Variants in NFIA observed in about 807,000 individuals in gnomAD.
The protein encoded by NFIA is nuclear factor 1 A-type.
In NFIA, 8 loss-of-function variants were observed where a neutral mutation model predicts 62.8. The observed-to-expected ratio is 0.13, with a 90% confidence interval of 0.07 to 0.23. NFIA has a LOEUF of 0.23. NFIA is among the 10% of genes least tolerant of loss of function. NFIA has a pLI of 1.00. For synonymous variants in NFIA, 235 were observed against 238.1 expected (o/e 0.99, Z 0.12); for missense variants, 410 against 642.1 (o/e 0.64, Z 3.91).
chr1:61,173,537 C>T (rs1316364475), intron 2 of NFIA, among the ~76,000 whole-genome samples: 1 of 152,002 alleles, frequency 6.6e-6, no homozygotes, highest in Non-Finnish European at 1.5e-5. Flanking sequence ...ACAGACATTG[C>T]ACCACTATGC....
At chr1:61,434,994 A>G (rs896019621) in intron 10 of NFIA, among the ~76,000 whole-genome samples, 1 of 152,214 alleles carries the variant, frequency 6.6e-6, no homozygotes, top group Non-Finnish European at 1.5e-5. Context: ...GACAGGAACT[A>G]GATCAAAAGT....
At chr1:61,309,691 G>T (rs533222260) in intron 3 of NFIA, among the ~76,000 whole-genome samples, 2 of 152,134 alleles carry the variant, frequency 1.3e-5, no homozygotes, top group South Asian at 2.1e-4. Context: ...AAGTTTGAGA[G>T]CAGCCTGACC....
At chr1:61,118,701 T>C (rs966993338) in intron 2 of NFIA, among the ~76,000 whole-genome samples, 1 of 72,872 alleles carries the variant, frequency 1.4e-5, no homozygotes, top group Non-Finnish European at 3.2e-5. Flanking sequence ...TGTGTGTGTG[T>C]GTGTGTGTAC....
chr1:61,132,343 A>G (rs1481104564), intron 2 of NFIA, among the ~76,000 whole-genome samples: 1 of 152,188 alleles, frequency 6.6e-6, no homozygotes, highest in African/African-American at 2.4e-5. Flanking sequence ...TTAGATTCTT[A>G]GATTACAGAC....
At chr1:61,115,298 A>G (rs1180261020) in intron 2 of NFIA, among the ~76,000 whole-genome samples, 1 of 152,154 alleles carries the variant, frequency 6.6e-6, no homozygotes, top group Non-Finnish European at 1.5e-5. Context: ...TATATTGATA[A>G]CTTACTGGAA....
chr1:61,118,575 G>T (rs1646832139), intron 2 of NFIA, among the ~76,000 whole-genome samples: 1 of 152,118 alleles, frequency 6.6e-6, no homozygotes, highest in African/African-American at 2.4e-5. Context: ...ACCTGCTTTA[G>T]ATGGGAATGT....
intron 1 of NFIA, among the ~76,000 whole-genome samples, chr1:61,087,487 T>G (rs913245995): frequency 1.3e-5 from 2 of 152,190 alleles, no homozygotes; most frequent in Non-Finnish European, 2.9e-5. Flanking sequence ...TCAATCCTTC[T>G]TTTGTATATG....
At chr1:61,437,600 T>C (rs1667387193) in intron 10 of NFIA, among the ~76,000 whole-genome samples, 1 of 152,194 alleles carries the variant, frequency 6.6e-6, no homozygotes. Context: ...CTGCCGTACA[T>C]AGCTCACAGA....
intron 2 of NFIA, among the ~76,000 whole-genome samples, chr1:61,103,638 A>G (rs1646548597): frequency 6.6e-6 from 1 of 152,190 alleles, no homozygotes; most frequent in Non-Finnish European, 1.5e-5. Flanking sequence ...GCTGGTGACT[A>G]GATGAGAAAT....
chr1:61,171,017 G>GT (rs1649930021), intron 2 of NFIA, among the ~76,000 whole-genome samples: 1 of 152,208 alleles, frequency 6.6e-6, no homozygotes, highest in Admixed American at 6.5e-5. Flanking sequence ...TGTGGCATGT[G>GT]TGTGTGTGTG....
At chr1:61,237,915 CATT>C (rs1295582617) in intron 2 of NFIA, among the ~76,000 whole-genome samples, 2 of 152,084 alleles carry the variant, frequency 1.3e-5, no homozygotes, top group South Asian at 2.1e-4. Flanking sequence ...CATTATTAAT[CATT>C]ATTATTATTG....
Position 61,359,323 on chromosome 1 carries a change from A to G in NFIA, c.946+49A>G, listed in dbSNP as rs1325983068. 7 of 1,610,990 alleles carry G rather than the reference A, an allele frequency of 4.3e-6. No homozygotes were observed. In the Admixed American group the frequency reaches 6.7e-5, roughly 15 times the overall value. On this transcript the variant is annotated intron_variant, in intron 6 of 10. Coordinates refer to ENST00000403491, the MANE Select transcript of NFIA (RefSeq NM_001134673.4). Reference sequence around the variant, plus strand: ...ATGTGGCTAACACTGTGAAACTGAAAATACGTGTGGGGTCCCATGCCACGC... The same window carrying G: ...ATGTGGCTAACACTGTGAAACTGAAGATACGTGTGGGGTCCCATGCCACGC...
At chr1:61,313,336 G>A (rs1278442495) in intron 3 of NFIA, among the ~76,000 whole-genome samples, 3 of 152,220 alleles carry the variant, frequency 2.0e-5, no homozygotes, top group African/African-American at 7.2e-5. Flanking sequence ...CTGGGCTTCT[G>A]GGAAGGCCTC....
intron 7 of NFIA, among the ~76,000 whole-genome samples, chr1:61,400,591 A>C (rs1352219630): frequency 6.6e-6 from 1 of 152,216 alleles, no homozygotes; most frequent in Non-Finnish European, 1.5e-5. Flanking sequence ...ATTTTAAAGG[A>C]TCTAAATATG....
chr1:61,325,959 G>A (rs1570582056), intron 3 of NFIA, among the ~76,000 whole-genome samples: 1 of 139,252 alleles, frequency 7.2e-6, no homozygotes, highest in African/African-American at 2.6e-5. Flanking sequence ...AAAAAAATCT[G>A]CCAAAGAATT....
At chr1:61,446,779 C>T (rs905624715) in intron 10 of NFIA, among the ~76,000 whole-genome samples, 2 of 152,196 alleles carry the variant, frequency 1.3e-5, no homozygotes, top group Non-Finnish European at 2.9e-5. Context: ...TGGACTTTAT[C>T]TTCCTGCACA....
Position 61,088,415 on chromosome 1 carries a change from A to G in NFIA, c.294A>G (p.Lys98=), listed in dbSNP as rs753836427. 2.5e-6 allele frequency: 4 copies of G among 1,614,018 alleles called. No individual in the cohort carries two copies. The East Asian group carries it at 6.7e-5, about 27-fold the overall frequency. The part of the protein sequence containing the change: ...REDFVLTVTG[K]KPPCCVLSNP... ...ATTTTGTTCTTACAGTTACAGGGAA[A>G]AAACCTCCATGTTGTGTTCTTTCCA... Residue 98 remains lysine, a synonymous_variant, in exon 2 of 11, where the codon AAA becomes AAG. Transcript: ENST00000403491. The surrounding 1 kb of genome is among the most constrained non-coding windows in gnomAD (Gnocchi z 4.5).
chr1:61,361,989 A>C (rs1663323850), intron 6 of NFIA, among the ~76,000 whole-genome samples: 1 of 152,146 alleles, frequency 6.6e-6, no homozygotes, highest in Non-Finnish European at 1.5e-5. Context: ...CATACTCAGC[A>C]AGCGCAGAAA....
intron 6 of NFIA, among the ~76,000 whole-genome samples, chr1:61,368,754 G>T (rs1256001809): frequency 6.6e-6 from 1 of 152,126 alleles, no homozygotes. Context: ...TTTTTAGGGG[G>T]TAAATACTTT....
Sources: gnomAD v4.1 joint callset for allele counts (sites outside exome capture counted in the v4.1 genomes callset) on GRCh38, gnomAD v4.1.1 for gene constraint, Gnocchi (gnomAD v3.1) non-coding constraint, MANE v1.5 for transcripts, NCBI Gene and HGNC (gene_info 2026-07-23, HGNC 2026-07-21) for gene names.